CTNNA2: variants seen among roughly 807,000 people sequenced by gnomAD.
CTNNA2 encodes the protein catenin alpha-2.
A neutral mutation model predicts 101.0 loss-of-function variants in CTNNA2; 42 were observed. That is an observed-to-expected ratio of 0.42 (90% CI 0.32 to 0.54). CTNNA2 has a LOEUF of 0.54. Ranked by LOEUF, CTNNA2 falls within the 20% of genes least tolerant of loss-of-function variation. The pLI is 0.14. For synonymous variants in CTNNA2, 450 were observed against 456.4 expected (o/e 0.99, Z 0.18); for missense variants, 871 against 1,223.1 (o/e 0.71, Z 4.29).
rs144176542 is a variant in CTNNA2 at position 79,624,801 on chromosome 2, A to G, written c.-5-26751A>G. 1.7e-3 allele frequency among the ~76,000 whole-genome samples: 254 copies of G among 152,306 alleles called. 3 individuals carry two copies. The highest frequency in any genetic ancestry group is 0.016 in the South Asian group (77 of 4,826). On this transcript the variant is annotated intron_variant, in intron 1 of 18. Transcript: ENST00000402739. ...AACATAATTAAGATCAGTTCTGGTG[A>G]GAAGTGTAGAGTACTGTGAGCAGAA... is the stretch of plus-strand genomic sequence containing the variant.
chr2:80,564,840 T>C (rs756129348), intron 12 of CTNNA2, among the ~76,000 whole-genome samples: 83 of 152,300 alleles, frequency 5.4e-4, no homozygotes, highest in South Asian at 6.2e-4. Context: ...AGGGTACTGT[T>C]GTTCTTGCTC....
chr2:80,584,711 A>T (rs549179998), intron 14 of CTNNA2, among the ~76,000 whole-genome samples: 1 of 152,054 alleles, frequency 6.6e-6, no homozygotes, highest in Non-Finnish European at 1.5e-5. Flanking sequence ...TCCACACTTC[A>T]TCTCCTCGTA....
At chr2:80,363,833 G>A (rs1043580863) in intron 7 of CTNNA2, among the ~76,000 whole-genome samples, 5 of 152,038 alleles carry the variant, frequency 3.3e-5, no homozygotes, top group Non-Finnish European at 7.4e-5. Context: ...ATAGCAAAAC[G>A]GAATTTATAT....
At chr2:80,497,056 G>A (rs1687533416) in intron 9 of CTNNA2, among the ~76,000 whole-genome samples, 1 of 152,144 alleles carries the variant, frequency 6.6e-6, no homozygotes, top group African/African-American at 2.4e-5. Context: ...AGGAGCATTT[G>A]CATTTATTTT....
intron 3 of CTNNA2, among the ~76,000 whole-genome samples, chr2:79,835,674 T>TG (rs1679290048): frequency 5.1e-5 from 1 of 19,788 alleles, no homozygotes; most frequent in Admixed American, 6.1e-4. Flanking sequence ...TTGTTTTTTT[T>TG]TTTTTTTTTT....
At chr2:79,690,575 T>C (rs1272255938) in intron 2 of CTNNA2, among the ~76,000 whole-genome samples, 1 of 152,008 alleles carries the variant, frequency 6.6e-6, no homozygotes, top group Non-Finnish European at 1.5e-5. Flanking sequence ...TCTTTGCTAT[T>C]GGAAGTAGTG....
At chr2:79,423,084 A>C (rs1678555509) in intron 4 of CTNNA2, among the ~76,000 whole-genome samples, 1 of 152,184 alleles carries the variant, frequency 6.6e-6, no homozygotes, top group African/African-American at 2.4e-5. Flanking sequence ...CTTAACCAGT[A>C]GAATAGAGTT....
At chr2:80,279,048 A>ATGTGTGTGTGTG (rs1385414261) in intron 7 of CTNNA2, among the ~76,000 whole-genome samples, 1 of 26,266 alleles carries the variant, frequency 3.8e-5, no homozygotes, top group Non-Finnish European at 7.9e-5. Flanking sequence ...AATGACTTTT[A>ATGTGTGTGTGTG]CGTGTGTGTG....
intron 7 of CTNNA2, among the ~76,000 whole-genome samples, chr2:79,937,444 C>T (rs150230841): frequency 6.6e-6 from 1 of 152,222 alleles, no homozygotes; most frequent in Non-Finnish European, 1.5e-5. Context: ...CTGCAATCTT[C>T]AGGCTATGTC....
Position 80,555,951 on chromosome 2 carries a change from T to G in CTNNA2, c.1741+58T>G, listed in dbSNP as rs557177298. On this transcript the variant is annotated intron_variant, in intron 12 of 18. Coordinates refer to ENST00000402739, the MANE Select transcript of CTNNA2 (RefSeq NM_001282597.3). ...TAATGCCTTGATTAGTTTCTATAAC[T>G]GAATAAATCTGTTTCATTGATTTCT... 1.4e-4 allele frequency: 161 copies of G among 1,159,048 alleles called. No individual in the cohort carries two copies. The Middle Eastern group carries it at 2.0e-3, about 14-fold the overall frequency. 71.8% of individuals were successfully genotyped at this position (1,159,048 alleles called of 1,614,324 possible). A position where few individuals can be genotyped will look rare whatever the true frequency, so the allele number is the denominator to read the frequency against.
chr2:80,251,315 A>G (rs1573514155), intron 7 of CTNNA2, among the ~76,000 whole-genome samples: 2 of 152,156 alleles, frequency 1.3e-5, no homozygotes, highest in African/African-American at 2.4e-5. Flanking sequence ...GAAAGCAATA[A>G]TCAAATTGGT....
chr2:79,463,432 T>C (rs1271592038), intron 4 of CTNNA2, among the ~76,000 whole-genome samples: 2 of 151,234 alleles, frequency 1.3e-5, no homozygotes, highest in Admixed American at 6.6e-5. Context: ...CTGCTCCTGA[T>C]GTAGCTGAGA....
intron 7 of CTNNA2, among the ~76,000 whole-genome samples, chr2:79,994,058 C>CCACCA (rs1692366784): frequency 1.3e-5 from 2 of 152,026 alleles, no homozygotes; most frequent in African/African-American, 4.8e-5. Flanking sequence ...GAGGTGTGCA[C>CCACCA]CACCACACCT....
At chr2:80,146,727 T>TTG (rs1703367454) in intron 7 of CTNNA2, among the ~76,000 whole-genome samples, 1 of 116,780 alleles carries the variant, frequency 8.6e-6, no homozygotes, top group Non-Finnish European at 1.8e-5. Context: ...TTTTTTTTTT[T>TTG]TTTTTTTTTT....
chr2:79,802,563 G>A lies in CTNNA2; in HGVS notation c.299-55450G>A, dbSNP rs114185652. ...TGGCCCAGATATGCGGCTGGATTAC[G>A]GGCCTTTTCCTACCCTAGGAAGGCC... On this transcript the variant is annotated intron_variant, in intron 3 of 18. Transcript: ENST00000402739. 1.3e-3 allele frequency among the ~76,000 whole-genome samples: 200 copies of A among 152,232 alleles called. 1 individual carries two copies. Among genetic ancestry groups the A allele is most frequent in the African/African-American group, 4.5e-3 (186 of 41,536 alleles).
intron 4 of CTNNA2, chr2:79,498,116 C>T (rs1460056593): frequency 6.6e-6 from 1 of 152,190 alleles, no homozygotes; most frequent in Non-Finnish European, 1.5e-5. Context: ...TATCTTTCCT[C>T]CTATATGTAG....
intron 2 of CTNNA2, among the ~76,000 whole-genome samples, chr2:79,674,795 C>T (rs367666834): frequency 1.3e-5 from 2 of 152,242 alleles, no homozygotes; most frequent in South Asian, 2.1e-4. Flanking sequence ...GCAACCAAAA[C>T]CGAAATTCAA....
At chr2:79,591,747 G>A (rs1038716828) in intron 1 of CTNNA2, among the ~76,000 whole-genome samples, 8 of 152,126 alleles carry the variant, frequency 5.3e-5, no homozygotes, top group Non-Finnish European at 1.0e-4. Context: ...AAGAGAGAGC[G>A]AGAAATGGGG....
At chr2:79,202,343 T>A (rs1334888730) in intron 2 of CTNNA2, among the ~76,000 whole-genome samples, 2 of 151,590 alleles carry the variant, frequency 1.3e-5, no homozygotes, top group East Asian at 1.9e-4. Flanking sequence ...TTATTTTTTT[T>A]ATTTTTTTTA....
Sources: allele counts gnomAD v4.1 joint callset (sites outside exome capture counted in the v4.1 genomes callset), GRCh38; gene constraint gnomAD v4.1.1; transcripts MANE v1.5; gene names NCBI Gene and HGNC (gene_info 2026-07-23, HGNC 2026-07-21).